Variants in ECPAS observed in about 807,000 individuals in gnomAD.
ECPAS encodes the protein proteasome adapter and scaffold protein ECM29.
Under a neutral mutation model 255.1 loss-of-function variants are expected in ECPAS, and 70 were observed. The observed-to-expected ratio is 0.27, with a 90% CI of 0.23 to 0.33. The LOEUF (loss-of-function observed/expected upper bound fraction) is 0.33. ECPAS is among the 10% of genes least tolerant of loss of function. The pLI, the probability that ECPAS is intolerant of heterozygous loss-of-function variation, is 1.00. For synonymous variants in ECPAS, 784 were observed against 775.0 expected, an observed-to-expected ratio of 1.01 and a Z score of -0.19; for missense variants, 1,817 against 2,206.4, an observed-to-expected ratio of 0.82 and a Z score of 3.54.
Position 111,397,112 on chromosome 9 carries a change from A to T in ECPAS, c.2694T>A (p.Ile898=), listed in dbSNP as rs781552941. ...AACTAGTTCCTATTGCAGCACTGGT[A>T]ATGGCTTCGCCAATAGTGAACTGAA... ...IELQFTIGEA[I]TSAAIGTSSV... The change falls in exon 25 of 50, where the codon ATT becomes ATA. Residue 898 remains isoleucine, a synonymous_variant. Transcript: ENST00000684092. 5 of 1,613,930 alleles carry T rather than the reference A, an allele frequency of 3.1e-6. No homozygotes were observed. Among genetic ancestry groups the T allele is most frequent in the Non-Finnish European group, 3.4e-6 (4 of 1,179,784 alleles).
In ECPAS at chr9:111,451,413, C is replaced by T; in HGVS notation, c.153+12G>A. 1 of 1,563,446 alleles carries T rather than the reference C, an allele frequency of 6.4e-7. No individual in the cohort carries two copies. The highest frequency in any genetic ancestry group is 8.7e-7 in the Non-Finnish European group (1 of 1,153,648). On this transcript the variant is annotated intron_variant, in intron 3 of 49. Coordinates refer to ENST00000684092, the MANE Select transcript of ECPAS (RefSeq NM_001364929.1). ...CATCATTTAATTCCCCCAGCTGTCC[C>T]AACATGCTTACCTTTTTACGTACTC...
intron 20 of ECPAS, among the ~76,000 whole-genome samples, chr9:111,412,377 A>T (rs2098196054): frequency 6.6e-6 from 1 of 152,202 alleles, no homozygotes; most frequent in Admixed American, 6.5e-5. Context: ...TTCACAGATG[A>T]TCTAAAACAA....
intron 37 of ECPAS, among the ~76,000 whole-genome samples, chr9:111,375,478 T>A (rs954111229): frequency 6.6e-6 from 1 of 152,150 alleles, no homozygotes; most frequent in Non-Finnish European, 1.5e-5. Flanking sequence ...GAATGAAGAA[T>A]CTTTCTGGGC....
chr9:111,374,486 T>A (rs763911491), intron 38 of ECPAS, among the ~76,000 whole-genome samples: 1 of 152,260 alleles, frequency 6.6e-6, no homozygotes, highest in East Asian at 1.9e-4. Context: ...ATACGGCCAT[T>A]AGAAGAGGAC....
At chr9:111,431,044 A>C (rs1258983456) in intron 8 of ECPAS, among the ~76,000 whole-genome samples, 1 of 152,212 alleles carries the variant, frequency 6.6e-6, no homozygotes, top group African/African-American at 2.4e-5. Context: ...AAAAGTGATA[A>C]GGAAAGTGAC....
At chr9:111,468,524 A>G (rs555919262) in intron 2 of ECPAS, among the ~76,000 whole-genome samples, 1 of 152,284 alleles carries the variant, frequency 6.6e-6, no homozygotes, top group South Asian at 2.1e-4. Flanking sequence ...GAGAACAGAA[A>G]AAGATGAAGA....
intron 2 of ECPAS, among the ~76,000 whole-genome samples, chr9:111,471,862 G>C (rs1489460494): frequency 3.9e-5 from 6 of 152,204 alleles, no homozygotes; most frequent in South Asian, 2.1e-4. Context: ...TGACACTTTG[G>C]GGGGCCCAGG....
chr9:111,430,649 G>C (rs751677610), intron 8 of ECPAS, 21 bp from the exon 9 acceptor site: 2 of 1,505,976 alleles, frequency 1.3e-6, no homozygotes, highest in Admixed American at 4.0e-5. Context: ...TTTCAACACA[G>C]GTTGTTAAAA....
At chr9:111,391,706 C>T in intron 29 of ECPAS, 50 bp downstream of exon 29, 1 of 1,114,076 alleles carries the variant, frequency 9.0e-7, no homozygotes, top group Non-Finnish European at 1.3e-6. Context: ...CTAATAAATG[C>T]ATATATATAT....
intron 2 of ECPAS, among the ~76,000 whole-genome samples, chr9:111,471,798 C>T (rs1325878947): frequency 6.6e-6 from 1 of 152,140 alleles, no homozygotes; most frequent in African/African-American, 2.4e-5. Flanking sequence ...TCCTTCATAC[C>T]TCTTCTCACA....
At chr9:111,396,979 C>CA (rs1471050304) in intron 25 of ECPAS, 51 bp downstream of exon 25, 27 of 1,609,806 alleles carry the variant, frequency 1.7e-5, no homozygotes, top group African/African-American at 9.4e-5. Flanking sequence ...ATAAAGAGAA[C>CA]AAAAAAAGGT....
rs200428664 is a variant in ECPAS at position 111,440,456 on chromosome 9, G to C, written c.455C>G (p.Ala152Gly). 6.2e-7 allele frequency: 1 copy of C among 1,613,130 alleles called. No individual in the cohort carries two copies. The highest frequency in any genetic ancestry group is 1.7e-5 in the Admixed American group (1 of 59,986). The part of the protein sequence containing the change: ...MKYPVESSKS[A>G]SPFNLAEKPK... ...TTTCTCAGCAAGATTAAATGGAGAA[G>C]CTGATTTTGATGATTCAACAGGGTA... The change falls in exon 6 of 50, where the codon GCT (alanine) becomes GGT (glycine). Residue 152 changes from alanine (A) to glycine (G), a missense_variant. By Grantham distance (60) the Ala-to-Gly change is moderately conservative. Coordinates refer to ENST00000684092, the MANE Select transcript of ECPAS (RefSeq NM_001364929.1).
At chr9:111,431,113 T>C (rs2098229292) in intron 8 of ECPAS, among the ~76,000 whole-genome samples, 1 of 152,222 alleles carries the variant, frequency 6.6e-6, no homozygotes, top group Admixed American at 6.5e-5. Flanking sequence ...AGCCACCGTA[T>C]TTCTCTAACG....
intron 32 of ECPAS, 99 bp from the exon 33 acceptor site, chr9:111,385,541 C>G (rs550374399): frequency 1.4e-6 from 1 of 732,084 alleles, no homozygotes; most frequent in South Asian, 1.7e-5. Flanking sequence ...GCCTCTAATT[C>G]GAGTTCTCAT....
chr9:111,450,432 T>C (rs2098258886), intron 3 of ECPAS, among the ~76,000 whole-genome samples: 1 of 152,190 alleles, frequency 6.6e-6, no homozygotes, highest in African/African-American at 2.4e-5. Flanking sequence ...AAAGATTCTC[T>C]TTCTGCACTG....
chr9:111,423,040 T>A (rs957437961), intron 13 of ECPAS, among the ~76,000 whole-genome samples, 159 bp downstream of exon 13: 1 of 152,176 alleles, frequency 6.6e-6, no homozygotes, highest in African/African-American at 2.4e-5. Context: ...TCTCACATCT[T>A]TTTCCTTCTA....
intron 36 of ECPAS, among the ~76,000 whole-genome samples, chr9:111,378,223 G>A (rs1319842387): frequency 6.6e-6 from 1 of 152,118 alleles, no homozygotes; most frequent in Admixed American, 6.5e-5. Flanking sequence ...CTAAAAAGCA[G>A]AACAATTTTG....
At chr9:111,396,803 C>T (rs142469071) in intron 25 of ECPAS, among the ~76,000 whole-genome samples, 2,069 of 152,248 alleles carry the variant, frequency 0.014, 57 homozygotes, top group African/African-American at 0.047. Context: ...TCGCTCACCT[C>T]GGCCTCCCAA....
At chr9:111,440,125 G>T (rs2098243798) in intron 6 of ECPAS, among the ~76,000 whole-genome samples, 1 of 151,978 alleles carries the variant, frequency 6.6e-6, no homozygotes, top group Non-Finnish European at 1.5e-5. Flanking sequence ...GGCCTAACAG[G>T]AACTATTTTT....
Sources: gnomAD v4.1 joint callset for allele counts (sites outside exome capture counted in the v4.1 genomes callset) on GRCh38, gnomAD v4.1.1 for gene constraint, MANE v1.5 for transcripts, NCBI Gene and HGNC (gene_info 2026-07-23, HGNC 2026-07-21) for gene names.